PDE1C: variants seen among roughly 807,000 people sequenced by gnomAD.
The protein encoded by PDE1C is dual specificity calcium/calmodulin-dependent 3',5'-cyclic nucleotide phosphodiesterase 1C.
In PDE1C, 62 loss-of-function variants were observed where a neutral mutation model predicts 93.1. That is an observed-to-expected ratio of 0.67 (90% CI 0.54 to 0.82). The LOEUF (loss-of-function observed/expected upper bound fraction) is 0.82. Ranked by LOEUF, PDE1C falls within the 40% of genes least tolerant of loss-of-function variation. The probability of loss-of-function intolerance (pLI) is 0.00; values close to 1 mark genes in which losing one functional copy is unlikely to be tolerated. For missense variants in PDE1C, 742 were observed against 884.6 expected (o/e 0.84, Z 2.04); for synonymous variants, 325 against 310.1 (o/e 1.05, Z -0.50).
intron 2 of PDE1C, among the ~76,000 whole-genome samples, chr7:32,206,781 A>G (rs1805588543): frequency 6.6e-6 from 1 of 152,226 alleles, no homozygotes; most frequent in Non-Finnish European, 1.5e-5. Context: ...GCCCCAGGAC[A>G]GCTGGCCTTG....
chr7:32,282,485 A>AATAGATAGCTAGCTAGATAGATAGATAG lies in PDE1C; in HGVS notation c.85+16165_85+16166insCTATCTATCTATCTAGCTAGCTATCTAT, dbSNP rs376678996. Among the ~76,000 whole-genome samples the AATAGATAGCTAGCTAGATAGATAGATAG allele has an allele frequency of 7.5e-4, 108 of 143,934 alleles. 1 individual carries two copies. Among genetic ancestry groups the AATAGATAGCTAGCTAGATAGATAGATAG allele is most frequent in the South Asian group, 3.9e-3 (17 of 4,402 alleles). The allele number at this position is 143,934 out of a possible 152,430, so 94.4% of individuals were successfully genotyped here. On this transcript the variant is annotated intron_variant, in intron 1 of 18. Coordinates refer to the PDE1C transcript ENST00000396193. ...AAAGGCCAAACTCCATCAAAAAAAA[A>AATAGATAGCTAGCTAGATAGATAGATAG]ATAGATAGATAGATAGATAGATAGA...
Position 31,751,582 on chromosome 7 carries a change from G to T in PDE1C, c.*1802C>A, listed in dbSNP as rs1044691179. 6.6e-6 allele frequency: 1 copy of T among 152,196 alleles called. No individual in the cohort carries two copies. The highest frequency in any genetic ancestry group is 1.9e-4 in the East Asian group (1 of 5,198). 9.4% of individuals were successfully genotyped at this position (152,196 alleles called of 1,614,324 possible). On this transcript the variant is annotated 3_prime_UTR_variant, in exon 18 of 18. Coordinates refer to ENST00000396191, the MANE Select transcript of PDE1C (RefSeq NM_001191057.4). Reference sequence around the variant, plus strand: ...TATAAACAGATAGGAATTACCTGTTGAGTTAACCTAATCCAGGTGGAACAG... The same window carrying T: ...TATAAACAGATAGGAATTACCTGTTTAGTTAACCTAATCCAGGTGGAACAG...
intron 2 of PDE1C, among the ~76,000 whole-genome samples, chr7:32,186,086 T>G (rs1208568610): frequency 1.2e-5 from 1 of 84,040 alleles, no homozygotes; most frequent in Non-Finnish European, 2.2e-5. Context: ...TTTGTTTTTT[T>G]GTTTTTTTTT....
chr7:32,118,352 G>A (rs1055890449), intron 3 of PDE1C, among the ~76,000 whole-genome samples: 23 of 152,134 alleles, frequency 1.5e-4, no homozygotes, highest in African/African-American at 5.6e-4. Context: ...AAGTGCTAAG[G>A]TCCTTGCATG....
At position 31,768,112 on chromosome 7, in the gene PDE1C, T is replaced by C. The variant is rs146779663; in HGVS notation, c.1960+7552A>G. 1.3e-3 allele frequency among the ~76,000 whole-genome samples: 204 copies of C among 152,250 alleles called. 1 individual carries two copies. The East Asian group carries it at 0.036, about 27-fold the overall frequency. On this transcript the variant is annotated intron_variant, in intron 17 of 17. Coordinates refer to ENST00000396191, the MANE Select transcript of PDE1C (RefSeq NM_001191057.4). Reference sequence around the variant, plus strand: ...TAATTAACATTGGAATGTAGAGGAGTCTATCTAAATAGCTTGTTTAATCAT... The same window carrying C: ...TAATTAACATTGGAATGTAGAGGAGCCTATCTAAATAGCTTGTTTAATCAT...
At chr7:32,017,732 T>C (rs1328898604) in intron 2 of PDE1C, among the ~76,000 whole-genome samples, 1 of 152,066 alleles carries the variant, frequency 6.6e-6, no homozygotes, top group Non-Finnish European at 1.5e-5. Flanking sequence ...AAATGGTTAA[T>C]AAGCATGTGA....
chr7:32,131,333 G>T (rs1401025709), intron 3 of PDE1C, among the ~76,000 whole-genome samples: 3 of 152,116 alleles, frequency 2.0e-5, no homozygotes, highest in African/African-American at 7.2e-5. Flanking sequence ...AAAACACAAG[G>T]TCTGTATTTA....
At chr7:32,398,070 G>A (rs766469941) in intron 1 of PDE1C, among the ~76,000 whole-genome samples, 3 of 151,462 alleles carry the variant, frequency 2.0e-5, no homozygotes, top group African/African-American at 4.9e-5. Context: ...GGAGAATGGC[G>A]TGAACCCAGC....
chr7:31,790,000 T>C, intron 16 of PDE1C: 3 of 1,268,234 alleles, frequency 2.4e-6, no homozygotes, highest in Non-Finnish European at 3.0e-6. Context: ...TCACGTTGTT[T>C]GTTTTGCTCA....
intron 1 of PDE1C, among the ~76,000 whole-genome samples, chr7:32,068,536 G>T (rs922278325): frequency 6.6e-6 from 1 of 152,182 alleles, no homozygotes; most frequent in Non-Finnish European, 1.5e-5. Context: ...AAAAGCACTA[G>T]GTTCTGAGTA....
At chr7:32,096,107 T>C (rs1297233004) in intron 3 of PDE1C, among the ~76,000 whole-genome samples, 1 of 152,170 alleles carries the variant, frequency 6.6e-6, no homozygotes, top group Non-Finnish European at 1.5e-5. Context: ...ATTATGAACC[T>C]CCAAAATAGG....
chr7:32,072,468 G>A (rs1269843483), upstream of PDE1C, among the ~76,000 whole-genome samples: 3 of 152,188 alleles, frequency 2.0e-5, no homozygotes, highest in Admixed American at 1.3e-4. Context: ...GAGAAACAGT[G>A]CCCTGGGGAA....
At chr7:31,820,705 A>G (rs1788850932) in intron 14 of PDE1C, 1 of 152,138 alleles carries the variant, frequency 6.6e-6, no homozygotes, top group African/African-American at 2.4e-5. Flanking sequence ...TGCGAACTAG[A>G]TTTCTAATTA....
intron 2 of PDE1C, among the ~76,000 whole-genome samples, chr7:31,889,753 C>T (rs1798395048): frequency 6.6e-6 from 1 of 152,138 alleles, no homozygotes; most frequent in Non-Finnish European, 1.5e-5. Flanking sequence ...CAAAAGAAGC[C>T]TTCTATTCTT....
chr7:32,070,419 G>A, upstream of PDE1C: 3 of 1,613,720 alleles, frequency 1.9e-6, no homozygotes, highest in Non-Finnish European at 2.5e-6. Flanking sequence ...ACCACTGGCG[G>A]TGAAGCTGAG....
At chr7:32,340,521 C>G (rs1027332414) in intron 1 of PDE1C, among the ~76,000 whole-genome samples, 1 of 152,070 alleles carries the variant, frequency 6.6e-6, no homozygotes, top group Non-Finnish European at 1.5e-5. Context: ...TTGAAACACA[C>G]GCGAAGGAAT....
At chr7:32,143,693 A>G (rs1800663075) in intron 3 of PDE1C, among the ~76,000 whole-genome samples, 1 of 152,072 alleles carries the variant, frequency 6.6e-6, no homozygotes, top group Non-Finnish European at 1.5e-5. Flanking sequence ...AAAGGGCAAA[A>G]TGTACTTTTT....
intron 1 of PDE1C, among the ~76,000 whole-genome samples, chr7:32,370,407 C>T (rs1446831924): frequency 6.7e-6 from 1 of 148,548 alleles, no homozygotes; most frequent in Non-Finnish European, 1.5e-5. Context: ...TGAGATCGCA[C>T]CACGGCACTC....
At chr7:32,118,825 G>A (rs1799132096) in intron 3 of PDE1C, among the ~76,000 whole-genome samples, 1 of 152,194 alleles carries the variant, frequency 6.6e-6, no homozygotes, top group Non-Finnish European at 1.5e-5. Flanking sequence ...TTCAACCTGA[G>A]TTTCAGATGG....
Sources: allele counts gnomAD v4.1 joint callset (sites outside exome capture counted in the v4.1 genomes callset), GRCh38; gene constraint gnomAD v4.1.1; transcripts MANE v1.5; gene names NCBI Gene and HGNC (gene_info 2026-07-23, HGNC 2026-07-21).